The following CALN1 variants were observed in gnomAD, a reference collection of about 807,000 sequenced individuals.
CALN1 encodes calneuron 1.
Under a neutral mutation model 30.6 loss-of-function variants are expected in CALN1, and 17 were observed. The observed-to-expected ratio is 0.56, with a 90% confidence interval of 0.38 to 0.83. CALN1 has a LOEUF of 0.83. Ranked by LOEUF, CALN1 falls within the 40% of genes least tolerant of loss-of-function variation. CALN1 has a pLI of 0.00. For synonymous variants in CALN1, 156 were observed against 131.4 expected (o/e 1.19, Z -1.28); for missense variants, 291 against 354.9 (o/e 0.82, Z 1.45).
At chr7:72,441,688 G>A (rs59005817) in intron 1 of CALN1, among the ~76,000 whole-genome samples, 9,571 of 151,314 alleles carry the variant, frequency 0.063, 696 homozygotes, top group East Asian at 0.3. Context: ...CAAACAGGGC[G>A]AATCGTCTTG....
At chr7:72,395,767 G>C (rs1484274119) in intron 2 of CALN1, among the ~76,000 whole-genome samples, 1 of 151,986 alleles carries the variant, frequency 6.6e-6, no homozygotes, top group African/African-American at 2.4e-5. Context: ...GAAAAGATTT[G>C]GTCAATGGAA....
intron 5 of CALN1, among the ~76,000 whole-genome samples, chr7:71,851,724 A>T (rs1012780229): frequency 1.4e-4 from 21 of 152,076 alleles, no homozygotes; most frequent in Non-Finnish European, 2.5e-4. Flanking sequence ...CAAGTAAGAG[A>T]GAGGCTTTGC....
intron 5 of CALN1, among the ~76,000 whole-genome samples, chr7:71,869,500 C>T (rs780552861): frequency 2.6e-4 from 40 of 152,180 alleles, no homozygotes; most frequent in Non-Finnish European, 2.1e-4. Context: ...GCTTGAGCCA[C>T]CGTGCCTGGC....
chr7:71,786,801 TG>T lies in CALN1; in HGVS notation c.*973del, dbSNP rs1793000962. 6.6e-6 allele frequency: 1 copy of T among 152,158 alleles called. No individual in the cohort carries two copies. Among genetic ancestry groups the T allele is most frequent in the Non-Finnish European group, 1.5e-5 (1 of 68,008 alleles). 9.4% of individuals were successfully genotyped at this position (152,158 alleles called of 1,614,324 possible). On this transcript the variant is annotated 3_prime_UTR_variant, in exon 7 of 7. Coordinates refer to ENST00000395275, the MANE Select transcript of CALN1 (RefSeq NM_031468.4). The stretch of plus-strand genomic sequence containing the variant: ...GTCTCCATGACTCCAGATGGCTGGG[TG>T]TGGGTATCAAAACCTCACCGCCAGT...
At chr7:71,794,599 A>C (rs915833010) in intron 6 of CALN1, among the ~76,000 whole-genome samples, 1 of 152,190 alleles carries the variant, frequency 6.6e-6, no homozygotes, top group Non-Finnish European at 1.5e-5. Flanking sequence ...GAATTATTTC[A>C]AAGATCAATG....
intron 3 of CALN1, among the ~76,000 whole-genome samples, chr7:72,240,862 T>A (rs1794782290): frequency 6.6e-6 from 1 of 152,236 alleles, no homozygotes; most frequent in Admixed American, 6.5e-5. Flanking sequence ...GCTTTTCTGC[T>A]GTTCTCTCTA....
chr7:72,311,404 G>A (rs1412241321), intron 2 of CALN1, among the ~76,000 whole-genome samples: 1 of 152,124 alleles, frequency 6.6e-6, no homozygotes, highest in Non-Finnish European at 1.5e-5. Context: ...CAAAAGTTAT[G>A]TGAATTTTTT....
intron 5 of CALN1, among the ~76,000 whole-genome samples, chr7:71,847,805 A>AAGAGGG (rs1790391578): frequency 7.2e-5 from 9 of 124,530 alleles, no homozygotes; most frequent in African/African-American, 2.9e-4. Flanking sequence ...AAAAGAAGAA[A>AAGAGGG]AGAAGGAGAA....
intron 1 of CALN1, among the ~76,000 whole-genome samples, chr7:72,406,461 T>C (rs1585680404): frequency 6.6e-6 from 1 of 152,166 alleles, no homozygotes; most frequent in African/African-American, 2.4e-5. Context: ...CTAAGGGTGA[T>C]TAATTTCCAG....
At chr7:72,309,062 C>A (rs1181125177) in intron 2 of CALN1, among the ~76,000 whole-genome samples, 1 of 152,154 alleles carries the variant, frequency 6.6e-6, no homozygotes, top group African/African-American at 2.4e-5. Context: ...ATAACTGGTT[C>A]AAAACTGCAG....
chr7:72,499,278 A>G, the CALN1 span, among the ~76,000 whole-genome samples: 87,207 of 151,858 alleles, frequency 0.57, 26,187 homozygotes, highest in African/African-American at 0.77. Context: ...CGATCCACCC[A>G]CCTCAGCCTC....
At chr7:72,374,189 A>G (rs1804408905) in intron 2 of CALN1, among the ~76,000 whole-genome samples, 1 of 152,246 alleles carries the variant, frequency 6.6e-6, no homozygotes, top group Admixed American at 6.5e-5. Flanking sequence ...GAAAAACAAA[A>G]TAAAAGGAAA....
intron 2 of CALN1, among the ~76,000 whole-genome samples, chr7:72,396,120 G>A (rs1261276152): frequency 2.6e-5 from 4 of 151,052 alleles, no homozygotes; most frequent in Admixed American, 6.6e-5. Context: ...AAGTCAGGCC[G>A]GGCACAGTGT....
At chr7:72,366,321 A>C (rs1013518662) in intron 2 of CALN1, among the ~76,000 whole-genome samples, 1 of 151,978 alleles carries the variant, frequency 6.6e-6, no homozygotes, top group Non-Finnish European at 1.5e-5. Context: ...TTACAGGTGC[A>C]CACACCACCA....
rs570643656 is a variant in CALN1 at position 71,963,104 on chromosome 7, G to A, written c.501+60553C>T. Among the ~76,000 whole-genome samples, 4 of 152,300 alleles carry A rather than the reference G, an allele frequency of 2.6e-5. No individual in the cohort carries two copies. The South Asian group carries it at 8.3e-4, about 32-fold the overall frequency. ...ACCTGGAAAGTTTACTCTTGCTAGT[G>A]TCACAAAATTAGGGTCACCTGTACT... On this transcript the variant is annotated intron_variant, in intron 5 of 6. Transcript: ENST00000395275.
chr7:72,238,046 A>G (rs1449617802), intron 3 of CALN1, among the ~76,000 whole-genome samples: 2 of 152,168 alleles, frequency 1.3e-5, no homozygotes, highest in Admixed American at 1.3e-4. Context: ...TGACCCACAA[A>G]ACAAGGAAGC....
intron 4 of CALN1, chr7:72,103,199 C>G (rs1324048108): frequency 6.4e-6 from 1 of 157,200 alleles, no homozygotes; most frequent in Non-Finnish European, 1.4e-5. Flanking sequence ...GCTGACCTGG[C>G]AGAACCCCTA....
chr7:72,271,830 G>A (rs1471724250), intron 3 of CALN1, among the ~76,000 whole-genome samples: 1 of 151,614 alleles, frequency 6.6e-6, no homozygotes, highest in African/African-American at 2.4e-5. Context: ...TGGAGGCTGA[G>A]GCAGGCAGAT....
intron 5 of CALN1, among the ~76,000 whole-genome samples, chr7:71,915,689 G>A (rs1273527964): frequency 2.0e-5 from 3 of 152,072 alleles, no homozygotes; most frequent in African/African-American, 4.8e-5. Context: ...AGCCAAGATC[G>A]CTGCATTGCA....
Sources: allele counts gnomAD v4.1 joint callset (sites outside exome capture counted in the v4.1 genomes callset), GRCh38; gene constraint gnomAD v4.1.1; transcripts MANE v1.5; gene names NCBI Gene and HGNC (gene_info 2026-07-23, HGNC 2026-07-21).